The following CTNNA3 variants were observed in gnomAD, a reference collection of about 807,000 sequenced individuals.
CTNNA3 encodes the protein catenin alpha-3.
Under a neutral mutation model 95.7 loss-of-function variants are expected in CTNNA3, and 76 were observed. That is an observed-to-expected ratio of 0.79 (90% CI 0.66 to 0.96). The LOEUF is 0.96. CTNNA3 is among the 40% of genes least tolerant of loss of function. CTNNA3 has a pLI of 0.00. For synonymous variants in CTNNA3, 431 were observed against 374.4 expected, an observed-to-expected ratio of 1.15 and a Z score of -1.74; for missense variants, 1,191 against 1,089.8, an observed-to-expected ratio of 1.09 and a Z score of -1.31.
chr10:66,676,293 A>G (rs1453948250), intron 9 of CTNNA3, among the ~76,000 whole-genome samples: 1 of 152,084 alleles, frequency 6.6e-6, no homozygotes, highest in Non-Finnish European at 1.5e-5. Flanking sequence ...AGGAAGCTGT[A>G]CAGACTCCTC....
At chr10:67,182,709 G>T (rs1259619051) in intron 6 of CTNNA3, among the ~76,000 whole-genome samples, 10 of 152,132 alleles carry the variant, frequency 6.6e-5, no homozygotes, top group African/African-American at 2.2e-4. Context: ...AAACTAAAGA[G>T]CTTCTGCACA....
At chr10:66,118,004 G>A (rs1049397763) in intron 13 of CTNNA3, among the ~76,000 whole-genome samples, 4 of 152,120 alleles carry the variant, frequency 2.6e-5, no homozygotes, top group Non-Finnish European at 4.4e-5. Context: ...GAGAGTTACC[G>A]TCAGATGTTT....
At chr10:66,856,647 C>G (rs1843695139) in intron 7 of CTNNA3, among the ~76,000 whole-genome samples, 1 of 152,008 alleles carries the variant, frequency 6.6e-6, no homozygotes, top group African/African-American at 2.4e-5. Flanking sequence ...ATTTGCAATT[C>G]TCTAATGATT....
Position 67,740,346 on chromosome 10 carries a change from C to G in CTNNA3, c.-2+23088G>C, listed in dbSNP as rs371807767. 2.0e-5 allele frequency among the ~76,000 whole-genome samples: 3 copies of G among 151,714 alleles called. 1 individual carries two copies. The South Asian group carries it at 6.3e-4, about 32-fold the overall frequency. On this transcript the variant is annotated intron_variant, in intron 1 of 17. Coordinates refer to the CTNNA3 transcript ENST00000684154. ...ACTCAAGAGCTTCTGCACAGCAAAA[C>G]AAACTACCATCAGAGTGAACAGGCA...
chr10:67,390,518 C>G (rs1216150825), intron 5 of CTNNA3, among the ~76,000 whole-genome samples: 2 of 151,780 alleles, frequency 1.3e-5, no homozygotes, highest in African/African-American at 4.8e-5. Context: ...CTATTCCAAT[C>G]AATAGAAAAA....
intron 13 of CTNNA3, among the ~76,000 whole-genome samples, chr10:66,128,366 T>C (rs2082922637): frequency 6.6e-6 from 1 of 152,132 alleles, no homozygotes; most frequent in Non-Finnish European, 1.5e-5. Flanking sequence ...GCTTTATTCA[T>C]AACTGCCAAA....
intron 1 of CTNNA3, among the ~76,000 whole-genome samples, chr10:67,735,692 T>C (rs1841298992): frequency 6.6e-6 from 1 of 152,290 alleles, no homozygotes; most frequent in South Asian, 2.1e-4. Flanking sequence ...AACCCTCATA[T>C]ATTGCTTGAG....
chr10:67,057,046 T>A (rs1319427520), intron 7 of CTNNA3, among the ~76,000 whole-genome samples: 1 of 152,184 alleles, frequency 6.6e-6, no homozygotes, highest in Non-Finnish European at 1.5e-5. Flanking sequence ...CAATTCTGCC[T>A]CCTCTTGGAT....
At chr10:67,055,752 G>A (rs1295704165) in intron 7 of CTNNA3, among the ~76,000 whole-genome samples, 1 of 152,076 alleles carries the variant, frequency 6.6e-6, no homozygotes, top group East Asian at 1.9e-4. Flanking sequence ...GTGGGCAGAG[G>A]ATGAAAGATG....
At chr10:66,650,670 G>A (rs1022759906) in intron 9 of CTNNA3, among the ~76,000 whole-genome samples, 4 of 152,060 alleles carry the variant, frequency 2.6e-5, no homozygotes, top group African/African-American at 9.7e-5. Context: ...TCGTGGTCTC[G>A]CTGGCTTCAG....
At chr10:67,003,195 A>T (rs1388934493) in intron 7 of CTNNA3, among the ~76,000 whole-genome samples, 1 of 152,176 alleles carries the variant, frequency 6.6e-6, no homozygotes, top group Admixed American at 6.5e-5. Context: ...TGCCCCAATT[A>T]TTCAGGCACA....
At chr10:67,644,073 G>T (rs1839626211) in intron 2 of CTNNA3, among the ~76,000 whole-genome samples, 1 of 152,116 alleles carries the variant, frequency 6.6e-6, no homozygotes, top group African/African-American at 2.4e-5. Flanking sequence ...TGGGTCAAAT[G>T]GTATTTCTGG....
intron 7 of CTNNA3, among the ~76,000 whole-genome samples, chr10:67,090,086 G>A (rs937198625): frequency 6.6e-6 from 1 of 152,056 alleles, no homozygotes; most frequent in African/African-American, 2.4e-5. Flanking sequence ...CAATTTCTAA[G>A]TCAACACAGG....
intron 13 of CTNNA3, among the ~76,000 whole-genome samples, chr10:66,138,529 T>C (rs2083461158): frequency 6.6e-6 from 1 of 152,156 alleles, no homozygotes; most frequent in African/African-American, 2.4e-5. Context: ...TAAAAATCCT[T>C]ATTTAAAAGA....
At chr10:67,333,123 C>T (rs919313556) in intron 5 of CTNNA3, among the ~76,000 whole-genome samples, 11 of 152,152 alleles carry the variant, frequency 7.2e-5, no homozygotes, top group Admixed American at 6.5e-4. Flanking sequence ...ATGCAGATTC[C>T]TAGCATGTTC....
At chr10:67,009,695 T>C (rs982756286) in intron 7 of CTNNA3, among the ~76,000 whole-genome samples, 1 of 152,166 alleles carries the variant, frequency 6.6e-6, no homozygotes, top group Admixed American at 6.6e-5. Flanking sequence ...TATTTGATGG[T>C]TGTAGATTGA....
At chr10:66,976,621 T>G (rs1850047222) in intron 7 of CTNNA3, among the ~76,000 whole-genome samples, 2 of 152,200 alleles carry the variant, frequency 1.3e-5, no homozygotes, top group African/African-American at 2.4e-5. Flanking sequence ...TTGGCATTTT[T>G]GGCCCTTTTC....
intron 7 of CTNNA3, among the ~76,000 whole-genome samples, chr10:66,786,090 T>C (rs1003359576): frequency 6.6e-6 from 1 of 152,140 alleles, no homozygotes; most frequent in Non-Finnish European, 1.5e-5. Context: ...CCCTGTCTTG[T>C]TCTATGACCC....
intron 6 of CTNNA3, among the ~76,000 whole-genome samples, chr10:67,183,496 A>G (rs971292825): frequency 6.6e-6 from 1 of 151,812 alleles, no homozygotes; most frequent in East Asian, 2.0e-4. Flanking sequence ...CAATGAGAAC[A>G]CATGGACACA....
Sources: allele counts gnomAD v4.1 joint callset (sites outside exome capture counted in the v4.1 genomes callset), GRCh38; gene constraint gnomAD v4.1.1; transcripts MANE v1.5; gene names NCBI Gene and HGNC (gene_info 2026-07-23, HGNC 2026-07-21).